Variants in GABRB2 observed in about 807,000 individuals in gnomAD.
GABRB2 encodes the protein gamma-aminobutyric acid type A receptor subunit beta2.
Under a neutral mutation model 54.7 loss-of-function variants are expected in GABRB2, and 16 were observed. The observed-to-expected ratio is 0.29, with a 90% confidence interval of 0.20 to 0.44. The LOEUF (loss-of-function observed/expected upper bound fraction) is 0.44, where lower values mean the gene tolerates loss of function less well. GABRB2 is among the 20% of genes least tolerant of loss of function. GABRB2 has a pLI of 1.00. For synonymous variants in GABRB2, 244 were observed against 233.8 expected (o/e 1.04, Z -0.40); for missense variants, 355 against 644.0 (o/e 0.55, Z 4.86).
chr5:161,306,893 A>G (rs1757705462), intron 9 of GABRB2, among the ~76,000 whole-genome samples: 1 of 152,160 alleles, frequency 6.6e-6, no homozygotes, highest in East Asian at 1.9e-4. Context: ...GCCTGTGCGC[A>G]CTGTGTCCAG....
intron 3 of GABRB2, among the ~76,000 whole-genome samples, chr5:161,509,066 A>G (rs1335420310): frequency 6.6e-6 from 1 of 151,936 alleles, no homozygotes; most frequent in Non-Finnish European, 1.5e-5. Context: ...AGGCAACACT[A>G]CATAAATGGA....
intron 5 of GABRB2, among the ~76,000 whole-genome samples, chr5:161,394,663 G>A (rs899851396): frequency 6.6e-6 from 1 of 152,000 alleles, no homozygotes; most frequent in Non-Finnish European, 1.5e-5. Flanking sequence ...GAAACAGAAA[G>A]TCTGATCTTT....
At chr5:161,469,793 G>C (rs998170185) in intron 3 of GABRB2, among the ~76,000 whole-genome samples, 2 of 151,744 alleles carry the variant, frequency 1.3e-5, no homozygotes, top group Non-Finnish European at 1.5e-5. Context: ...CAAGTCAAAG[G>C]ATTCTTCTGC....
intron 3 of GABRB2, among the ~76,000 whole-genome samples, chr5:161,501,824 C>A (rs1251438619): frequency 4.0e-5 from 6 of 150,060 alleles, no homozygotes; most frequent in Non-Finnish European, 8.9e-5. Flanking sequence ...TAAACTATAA[C>A]CTAATATGAA....
At chr5:161,315,854 G>T (rs1580973136) in intron 9 of GABRB2, among the ~76,000 whole-genome samples, 1 of 151,992 alleles carries the variant, frequency 6.6e-6, no homozygotes, top group Admixed American at 6.6e-5. Context: ...ATCATTTTTA[G>T]GACAGAAATC....
At chr5:161,457,197 T>A (rs1436342208) in intron 4 of GABRB2, among the ~76,000 whole-genome samples, 2 of 152,184 alleles carry the variant, frequency 1.3e-5, no homozygotes, top group Non-Finnish European at 2.9e-5. Context: ...GCCCTCTCCG[T>A]GGGGAAGTGT....
chr5:161,359,466 C>CAG (rs969757790), intron 5 of GABRB2, among the ~76,000 whole-genome samples: 22 of 151,656 alleles, frequency 1.5e-4, no homozygotes, highest in African/African-American at 2.2e-4. Context: ...CACACACACA[C>CAG]AGAGATTGCT....
intron 5 of GABRB2, among the ~76,000 whole-genome samples, chr5:161,379,480 A>G (rs933235119): frequency 6.6e-6 from 1 of 152,192 alleles, no homozygotes; most frequent in Non-Finnish European, 1.5e-5. Context: ...AATGTAAAAA[A>G]AGAAATCTCA....
intron 4 of GABRB2, among the ~76,000 whole-genome samples, chr5:161,457,454 T>C (rs1353530671): frequency 6.6e-6 from 1 of 151,748 alleles, no homozygotes; most frequent in Non-Finnish European, 1.5e-5. Context: ...AATTCTTTTT[T>C]TTTTTTTTTG....
intron 4 of GABRB2, among the ~76,000 whole-genome samples, chr5:161,429,238 T>C (rs1757099419): frequency 6.8e-6 from 1 of 147,248 alleles, no homozygotes; most frequent in Admixed American, 6.9e-5. Context: ...TCCCATCTAC[T>C]TAGGAGGCTG....
At chr5:161,524,523 CAGTT>C (rs1760212879) in intron 3 of GABRB2, among the ~76,000 whole-genome samples, 2 of 151,502 alleles carry the variant, frequency 1.3e-5, no homozygotes, top group South Asian at 4.1e-4. Flanking sequence ...TGTGACTTAA[CAGTT>C]AGCAAACAGC....
intron 4 of GABRB2, among the ~76,000 whole-genome samples, chr5:161,428,477 C>T (rs547746142): frequency 6.6e-6 from 1 of 152,086 alleles, no homozygotes; most frequent in South Asian, 2.1e-4. Flanking sequence ...TCCCCCACAC[C>T]CTGGGTAACC....
chr5:161,515,201 C>G (rs554415975), intron 3 of GABRB2, among the ~76,000 whole-genome samples: 33 of 152,094 alleles, frequency 2.2e-4, no homozygotes, highest in Non-Finnish European at 4.6e-4. Flanking sequence ...TTATCATTCC[C>G]ACATTAAAAT....
intron 4 of GABRB2, among the ~76,000 whole-genome samples, chr5:161,451,079 T>C (rs576379491): frequency 5.8e-4 from 89 of 152,338 alleles, no homozygotes; most frequent in African/African-American, 2.0e-3. Context: ...CAGTGTGAGA[T>C]GACTACTCAG....
intron 3 of GABRB2, among the ~76,000 whole-genome samples, chr5:161,460,978 T>G (rs1303878054): frequency 6.6e-6 from 1 of 152,120 alleles, no homozygotes; most frequent in Non-Finnish European, 1.5e-5. Context: ...GGCCCTAAGA[T>G]AAATAGACAG....
intron 5 of GABRB2, among the ~76,000 whole-genome samples, chr5:161,402,181 C>T (rs777244558): frequency 1.5e-4 from 23 of 151,318 alleles, no homozygotes; most frequent in African/African-American, 4.6e-4. Flanking sequence ...AATAGAAACA[C>T]GATAGAAATA....
chr5:161,537,702 C>T (rs541796902), intron 3 of GABRB2, among the ~76,000 whole-genome samples: 31 of 152,272 alleles, frequency 2.0e-4, no homozygotes, highest in Admixed American at 9.8e-4. Context: ...GAACCATCTT[C>T]GATAGGTGTG....
At chr5:161,375,097 C>T (rs1221713824) in intron 5 of GABRB2, among the ~76,000 whole-genome samples, 1 of 152,106 alleles carries the variant, frequency 6.6e-6, no homozygotes, top group East Asian at 1.9e-4. Context: ...TTTCAGGAAG[C>T]TATTTGTGTG....
Position 161,419,400 on chromosome 5 carries a change from A to C in GABRB2, c.459-8343T>G, listed in dbSNP as rs888083285. Among the ~76,000 whole-genome samples the C allele has an allele frequency of 5.2e-4, 79 of 152,204 alleles. 1 individual carries two copies. The highest frequency in any genetic ancestry group is 8.8e-5 in the Non-Finnish European group (6 of 68,042). On this transcript the variant is annotated intron_variant, in intron 4 of 9. Transcript: ENST00000393959. ...ATAACCTTTATGAAAAACAGTATGG[A>C]GATTTCTCAAAGAACTAAAAATAGA...
Sources: allele counts gnomAD v4.1 joint callset (sites outside exome capture counted in the v4.1 genomes callset), GRCh38; gene constraint gnomAD v4.1.1; transcripts MANE v1.5; gene names NCBI Gene and HGNC (gene_info 2026-07-23, HGNC 2026-07-21).